SLC9A4: variants seen among roughly 807,000 people sequenced by gnomAD.
SLC9A4 encodes sodium/hydrogen exchanger 4.
SLC9A4 carries 63 observed loss-of-function variants against 67.4 expected under a neutral mutation model. The ratio of observed to expected loss-of-function variants is 0.93; its 90% CI spans 0.76 to 1.15. The LOEUF (loss-of-function observed/expected upper bound fraction) is 1.15. Ranked by LOEUF, SLC9A4 falls within the 50% of genes most tolerant of loss-of-function variation. The probability of loss-of-function intolerance (pLI) is 0.00; values close to 1 mark genes in which losing one functional copy is unlikely to be tolerated. For missense variants in SLC9A4, 1,089 were observed against 987.7 expected (o/e 1.10, Z -1.38); for synonymous variants, 393 against 367.2 (o/e 1.07, Z -0.80).
chr2:102,488,830 A>G (rs948164120), intron 2 of SLC9A4, among the ~76,000 whole-genome samples: 2 of 152,216 alleles, frequency 1.3e-5, no homozygotes, highest in Admixed American at 1.3e-4. Flanking sequence ...TACAGGCGTG[A>G]GCCACTGCGC....
chr2:102,487,543 C>G (rs1438344177), intron 2 of SLC9A4, among the ~76,000 whole-genome samples: 2 of 152,140 alleles, frequency 1.3e-5, no homozygotes, highest in African/African-American at 4.8e-5. Flanking sequence ...TGGAGGGGCA[C>G]TGTATTATTT....
At chr2:102,492,439 C>A (rs191016390) in intron 2 of SLC9A4, among the ~76,000 whole-genome samples, 2 of 152,370 alleles carry the variant, frequency 1.3e-5, no homozygotes, top group Admixed American at 1.3e-4. Flanking sequence ...TTCTTGACTT[C>A]TGTGCACCCA....
At chr2:102,500,499 C>T (rs936899635) in intron 2 of SLC9A4, among the ~76,000 whole-genome samples, 4 of 152,112 alleles carry the variant, frequency 2.6e-5, no homozygotes, top group Admixed American at 1.3e-4. Flanking sequence ...GGACAAAAAA[C>T]TCATTAGCAG....
intron 2 of SLC9A4, among the ~76,000 whole-genome samples, chr2:102,488,702 C>T (rs1384873808): frequency 6.6e-6 from 1 of 152,106 alleles, no homozygotes; most frequent in East Asian, 1.9e-4. Flanking sequence ...GTGCCCACCA[C>T]CACGCCCGGC....
intron 11 of SLC9A4, among the ~76,000 whole-genome samples, chr2:102,530,107 A>C (rs1001737408): frequency 4.6e-5 from 7 of 152,160 alleles, no homozygotes; most frequent in African/African-American, 1.7e-4. Context: ...TATGTTACGT[A>C]TATTTTACCA....
At position 102,473,784 on chromosome 2, in the gene SLC9A4, T is replaced by C; in HGVS notation, c.25T>C (p.Tyr9His). The C allele has an allele frequency of 6.2e-7, 1 of 1,614,024 alleles. No individual in the cohort carries two copies. The highest frequency in any genetic ancestry group is 8.5e-7 in the Non-Finnish European group (1 of 1,179,906). MALQMFVT[Y>H]SPWNCLLLLV... is the part of the protein sequence containing the mutation. ...AATGGCTCTGCAGATGTTCGTGACT[T>C]ACAGTCCTTGGAATTGTTTGCTACT... Residue 9 changes from tyrosine (Y) to histidine (H), a missense_variant, in exon 1 of 12, where the codon TAC (tyrosine) becomes CAC (histidine). Physicochemically the swap from Tyr to His is moderately conservative, Grantham distance 83. Transcript: ENST00000295269.
rs116581033 is a variant in SLC9A4, at chr2:102,482,222, C to T, written c.720+2920C>T. ...GTCCTCAGGCCAAGTGTTTCTGCAT[C>T]ACACTGGTGGGACTGATGAGTCTTC... On this transcript the variant is annotated intron_variant, in intron 2 of 11. Transcript: ENST00000295269. Among the ~76,000 whole-genome samples, 1,367 of 152,298 alleles carry T rather than the reference C, an allele frequency of 9.0e-3. 12 individuals are homozygous for T. Among genetic ancestry groups the T allele is most frequent in the Admixed American group, 0.017 (253 of 15,310 alleles).
intron 2 of SLC9A4, among the ~76,000 whole-genome samples, chr2:102,482,329 A>T (rs1316693939): frequency 1.3e-5 from 2 of 152,196 alleles, no homozygotes; most frequent in African/African-American, 4.8e-5. Context: ...AAAACCTCAG[A>T]TGACCGCTGA....
At chr2:102,505,583 G>C in intron 4 of SLC9A4, 112 bp downstream of exon 4, 3 of 1,021,724 alleles carry the variant, frequency 2.9e-6, no homozygotes, top group South Asian at 3.2e-5. Context: ...TGGTTTTACC[G>C]GTTAGGGTAG....
At chr2:102,510,272 C>CAGATACAGATAT (rs61491026) in intron 6 of SLC9A4, among the ~76,000 whole-genome samples, 1,870 of 126,238 alleles carry the variant, frequency 0.015, 24 homozygotes, top group African/African-American at 0.023. Context: ...GATACAGATA[C>CAGATACAGATAT]AGATATAGAT....
chr2:102,509,029 T>C, intron 6 of SLC9A4, 96 bp downstream of exon 6: 1 of 1,035,730 alleles, frequency 9.7e-7, no homozygotes, highest in South Asian at 1.5e-5. Context: ...TCCTCTTTCC[T>C]TCCCCACTCT....
At chr2:102,482,371 G>T (rs1684483290) in intron 2 of SLC9A4, among the ~76,000 whole-genome samples, 1 of 152,078 alleles carries the variant, frequency 6.6e-6, no homozygotes, top group Non-Finnish European at 1.5e-5. Context: ...TTGCCTTTAG[G>T]TTGAGAGAAA....
At chr2:102,519,713 A>G in intron 8 of SLC9A4, 146 bp from the exon 9 acceptor site, 2 of 597,994 alleles carry the variant, frequency 3.3e-6, no homozygotes, top group Non-Finnish European at 5.4e-6. Flanking sequence ...CATCAAACCA[A>G]CTTACTAGAA....
chr2:102,477,407 A>C (rs1573323897), intron 1 of SLC9A4, among the ~76,000 whole-genome samples: 1 of 152,336 alleles, frequency 6.6e-6, no homozygotes, highest in East Asian at 1.9e-4. Flanking sequence ...TTCTCTGATA[A>C]ACATTTAACT....
chr2:102,512,189 T>A lies in SLC9A4; in HGVS notation c.1489-14T>A. 1.2e-6 allele frequency: 2 copies of A among 1,613,816 alleles called. No individual in the cohort carries two copies. Among genetic ancestry groups the A allele is most frequent in the Non-Finnish European group, 1.7e-6 (2 of 1,179,820 alleles). On this transcript the variant is annotated splice_polypyrimidine_tract_variant and intron_variant, in intron 6 of 11. Coordinates refer to ENST00000295269, the MANE Select transcript of SLC9A4 (RefSeq NM_001011552.4). ...CGTTTCTCCAGCAATCATTTTCTTGTGTTTGTTTGGCAGCTGATGGATCAC... is the reference window on the plus strand; with the variant it reads ...CGTTTCTCCAGCAATCATTTTCTTGAGTTTGTTTGGCAGCTGATGGATCAC...
chr2:102,484,573 C>A (rs1291472288), intron 2 of SLC9A4, among the ~76,000 whole-genome samples: 5 of 152,176 alleles, frequency 3.3e-5, no homozygotes, highest in Admixed American at 6.5e-5. Context: ...GAAGCAGCTC[C>A]CGGACACTGT....
intron 2 of SLC9A4, among the ~76,000 whole-genome samples, chr2:102,501,386 G>T (rs1275286823): frequency 6.6e-6 from 1 of 152,092 alleles, no homozygotes; most frequent in African/African-American, 2.4e-5. Context: ...CTCCAAAAGT[G>T]CTAGGATTAC....
chr2:102,479,170 C>G lies in SLC9A4; in HGVS notation c.588C>G (p.Asn196Lys). ...FGLGDVNLLQNLLFGSLISAV... is the reference protein window; with the variant it reads ...FGLGDVNLLQKLLFGSLISAV... ...TGGGCGACGTCAACCTGCTGCAGAACCTGCTGTTCGGCAGCCTGATCTCCG... is the reference window on the plus strand; with the variant it reads ...TGGGCGACGTCAACCTGCTGCAGAAGCTGCTGTTCGGCAGCCTGATCTCCG... Residue 196 changes from asparagine (N) to lysine (K), a missense_variant, in exon 2 of 12, where the codon AAC (asparagine) becomes AAG (lysine). Physicochemically the swap from Asn to Lys is moderately conservative, Grantham distance 94. Coordinates refer to ENST00000295269, the MANE Select transcript of SLC9A4 (RefSeq NM_001011552.4). The G allele has an allele frequency of 3.7e-6, 6 of 1,614,206 alleles. No homozygotes were observed. The highest frequency in any genetic ancestry group is 5.1e-6 in the Non-Finnish European group (6 of 1,180,030).
chr2:102,514,267 TCTTTGTTCTAAA>T lies in SLC9A4; in HGVS notation c.1721+21_1721+32del. The T allele has an allele frequency of 6.3e-7, 1 of 1,580,144 alleles. No individual in the cohort carries two copies. Among genetic ancestry groups the T allele is most frequent in the Non-Finnish European group, 8.6e-7 (1 of 1,159,068 alleles). ...TACCCCATCAGTGAGTCATATCTGT[TCTTTGTTCTAAA>T]CTTTCACTGTCAGAATTCCAAGGGG... On this transcript the variant is annotated intron_variant, in intron 8 of 11. Transcript: ENST00000295269.
Sources: gnomAD v4.1 joint callset for allele counts (sites outside exome capture counted in the v4.1 genomes callset) on GRCh38, gnomAD v4.1.1 for gene constraint, MANE v1.5 for transcripts, NCBI Gene and HGNC (gene_info 2026-07-23, HGNC 2026-07-21) for gene names.